PCDHA7: variants seen among roughly 807,000 people sequenced by gnomAD.
PCDHA7 encodes protocadherin alpha-7.
Under a neutral mutation model 57.2 loss-of-function variants are expected in PCDHA7, and 37 were observed. The ratio of observed to expected loss-of-function variants is 0.65; its 90% confidence interval spans 0.50 to 0.85. The LOEUF (loss-of-function observed/expected upper bound fraction) is 0.85, where lower values mean the gene tolerates loss of function less well. PCDHA7 is among the 40% of genes least tolerant of loss of function. The pLI, the probability that PCDHA7 is intolerant of heterozygous loss-of-function variation, is 0.00. For synonymous variants in PCDHA7, 553 were observed against 558.8 expected (o/e 0.99, Z 0.15); for missense variants, 1,188 against 1,241.8 (o/e 0.96, Z 0.65).
intron 1 of PCDHA7, among the ~76,000 whole-genome samples, chr5:140,885,108 T>C (rs986059469): frequency 6.6e-6 from 1 of 152,226 alleles, no homozygotes; most frequent in Non-Finnish European, 1.5e-5. Flanking sequence ...AAATGCTTTT[T>C]TTAAGTGCAC....
chr5:140,887,357 A>T (rs112910602), intron 1 of PCDHA7, among the ~76,000 whole-genome samples: 12,309 of 152,126 alleles, frequency 0.081, 539 homozygotes, highest in Middle Eastern at 0.13. Context: ...CGGCCTCCCA[A>T]AGTGCTGGGA....
At chr5:140,841,556 C>A (rs2150318181) in intron 1 of PCDHA7, 1 of 1,613,884 alleles carries the variant, frequency 6.2e-7, no homozygotes, top group South Asian at 1.1e-5. Flanking sequence ...GGAGGTAAGT[C>A]TGCAGAATGG....
At chr5:140,856,020 G>T in intron 1 of PCDHA7, 4 of 1,553,378 alleles carry the variant, frequency 2.6e-6, no homozygotes, top group South Asian at 1.2e-5. Context: ...CCGCTGATTC[G>T]TCGATTTGTA....
chr5:141,003,370 G>A (rs192935173), intron 3 of PCDHA7, among the ~76,000 whole-genome samples: 1 of 152,262 alleles, frequency 6.6e-6, no homozygotes, highest in East Asian at 1.9e-4. Context: ...GGAGTGCAGT[G>A]GTGCAATCTC....
chr5:140,925,878 ACCT>A (rs1554202987), intron 1 of PCDHA7, among the ~76,000 whole-genome samples: 1 of 151,658 alleles, frequency 6.6e-6, no homozygotes. Flanking sequence ...CTGGTTTATA[ACCT>A]CCTCTTTCAC....
At chr5:140,963,722 T>G (rs948660694) in intron 1 of PCDHA7, among the ~76,000 whole-genome samples, 2 of 152,242 alleles carry the variant, frequency 1.3e-5, no homozygotes, top group Non-Finnish European at 2.9e-5. Flanking sequence ...ACATATAGAC[T>G]GCCAACTAAG....
At chr5:140,843,844 AC>A in intron 1 of PCDHA7, 1 of 1,001,290 alleles carries the variant, frequency 1.0e-6, no homozygotes, top group Non-Finnish European at 1.5e-6. Flanking sequence ...GTTTTTAGAA[AC>A]CTTTTATAAT....
chr5:140,983,218 C>T (rs757778991), intron 3 of PCDHA7, among the ~76,000 whole-genome samples: 10 of 152,128 alleles, frequency 6.6e-5, no homozygotes, highest in Non-Finnish European at 1.5e-4. Flanking sequence ...ATTTCCTAAT[C>T]CAAACTTTCA....
chr5:140,886,097 A>G (rs1341108712), intron 1 of PCDHA7, among the ~76,000 whole-genome samples: 1 of 152,214 alleles, frequency 6.6e-6, no homozygotes, highest in Non-Finnish European at 1.5e-5. Context: ...ATTGACATTG[A>G]TACAGTAAAG....
At chr5:140,855,829 C>T in intron 1 of PCDHA7, 1 of 560,296 alleles carries the variant, frequency 1.8e-6, no homozygotes. Flanking sequence ...CTCATGGAAT[C>T]GTACTTACAC....
chr5:141,000,651 C>G (rs1325110453), intron 3 of PCDHA7, among the ~76,000 whole-genome samples: 2 of 151,708 alleles, frequency 1.3e-5, no homozygotes, highest in African/African-American at 4.8e-5. Flanking sequence ...TGGTCTCGAA[C>G]TCCTGACCTC....
rs78283049 is a variant in PCDHA7 at position 140,938,200 on chromosome 5, C to G, written c.2356-40749C>G. 2.3e-3 allele frequency among the ~76,000 whole-genome samples: 352 copies of G among 152,306 alleles called. 1 individual carries two copies. The highest frequency in any genetic ancestry group is 8.1e-3 in the African/African-American group (335 of 41,568). On this transcript the variant is annotated intron_variant, in intron 1 of 3. Coordinates refer to ENST00000525929, the MANE Select transcript of PCDHA7 (RefSeq NM_018910.3). ...GGCTCAAGCAATCCTCCCACGCCAG[C>G]CTCCCAAAGTGCTGGGATTACAGGC... is the stretch of plus-strand genomic sequence containing the variant.
At chr5:140,998,130 A>C (rs1226238554) in intron 3 of PCDHA7, among the ~76,000 whole-genome samples, 1 of 152,206 alleles carries the variant, frequency 6.6e-6, no homozygotes, top group Non-Finnish European at 1.5e-5. Context: ...GAATCATAAT[A>C]GCTAACCTGT....
intron 1 of PCDHA7, chr5:140,862,740 G>T (rs1302893031): frequency 8.7e-6 from 5 of 577,654 alleles, no homozygotes; most frequent in Non-Finnish European, 1.7e-5. Flanking sequence ...GCTATGTGTG[G>T]GTGCACGCGG....
intron 1 of PCDHA7, chr5:140,853,528 C>A (rs75012399): frequency 0.045 from 43,855 of 978,338 alleles, 4,320 homozygotes; most frequent in Non-Finnish European, 0.05. Flanking sequence ...CCTCCTATGT[C>A]TCTTTTCAAG....
Position 140,969,604 on chromosome 5 carries a change from AAC to A in PCDHA7, c.2356-9341_2356-9340del. 5.2e-6 allele frequency: 4 copies of A among 765,156 alleles called. No homozygotes were observed. The South Asian group carries it at 6.3e-5, about 12-fold the overall frequency. 47.4% of individuals were successfully genotyped at this position (765,156 alleles called of 1,614,324 possible). A position where few individuals can be genotyped will look rare whatever the true frequency, so the allele number is the denominator to read the frequency against. On this transcript the variant is annotated intron_variant, in intron 1 of 3. Transcript: ENST00000525929. Reference sequence around the variant, plus strand: ...GATTAGTCTTAATATTTAATGCTAAAACACAGATTTGTAGAGAAACAGGACAG... The same window carrying A: ...GATTAGTCTTAATATTTAATGCTAAAACAGATTTGTAGAGAAACAGGACAG...
chr5:140,992,558 G>A (rs567645353), intron 3 of PCDHA7, among the ~76,000 whole-genome samples: 27 of 152,256 alleles, frequency 1.8e-4, no homozygotes, highest in African/African-American at 5.8e-4. Context: ...CCAGGAGATG[G>A]GGCAACACAT....
At chr5:140,838,813 T>A (rs1372139803) in intron 1 of PCDHA7, among the ~76,000 whole-genome samples, 1 of 151,884 alleles carries the variant, frequency 6.6e-6, no homozygotes, top group Non-Finnish European at 1.5e-5. Flanking sequence ...TTTCAGCTAC[T>A]CAAGAAACTG....
At chr5:140,895,666 T>A (rs538311323) in intron 1 of PCDHA7, among the ~76,000 whole-genome samples, 24 of 152,288 alleles carry the variant, frequency 1.6e-4, no homozygotes, top group African/African-American at 5.8e-4. Context: ...AGTGAGAACA[T>A]GTAGTATTTG....
Sources: allele counts gnomAD v4.1 joint callset (sites outside exome capture counted in the v4.1 genomes callset), GRCh38; gene constraint gnomAD v4.1.1; transcripts MANE v1.5; gene names NCBI Gene and HGNC (gene_info 2026-07-23, HGNC 2026-07-21).